The following ITM2B variants were observed in gnomAD, a reference collection of about 807,000 sequenced individuals.
ITM2B encodes integral membrane protein 2B.
A neutral mutation model predicts 27.8 loss-of-function variants in ITM2B; 11 were observed. The observed-to-expected ratio is 0.40, with a 90% CI of 0.25 to 0.66. The LOEUF (loss-of-function observed/expected upper bound fraction) is 0.66, where lower values mean the gene tolerates loss of function less well. ITM2B is among the 30% of genes least tolerant of loss of function. The probability of loss-of-function intolerance (pLI) is 0.43; values close to 1 mark genes in which losing one functional copy is unlikely to be tolerated. For synonymous variants in ITM2B, 114 were observed against 114.3 expected, an observed-to-expected ratio of 1.00 and a Z score of 0.02; for missense variants, 296 against 328.9, an observed-to-expected ratio of 0.90 and a Z score of 0.77.
intron 1 of ITM2B, among the ~76,000 whole-genome samples, chr13:48,252,678 T>C (rs566765142): frequency 6.6e-6 from 1 of 152,352 alleles, no homozygotes; most frequent in African/African-American, 2.4e-5. Flanking sequence ...TCATAGTTTT[T>C]CTTTCTAATT....
rs1044777841 is a variant in ITM2B, at chr13:48,244,540, T to G, written c.118-9268T>G. Among the ~76,000 whole-genome samples, 4 of 152,234 alleles carry G rather than the reference T, an allele frequency of 2.6e-5. No homozygotes were observed. In the East Asian group the frequency reaches 7.7e-4, roughly 29 times the overall value. On this transcript the variant is annotated intron_variant, in intron 1 of 5. Transcript: ENST00000647800. ...TCCAAACTTGGACAGAAATTTTCTC[T>G]TAACTATCCACATTTAAATTATGTT... is the stretch of plus-strand genomic sequence containing the variant.
At chr13:48,238,177 G>A (rs1419671810) in intron 1 of ITM2B, among the ~76,000 whole-genome samples, 1 of 152,034 alleles carries the variant, frequency 6.6e-6, no homozygotes, top group Admixed American at 6.5e-5. Flanking sequence ...TAACACTAAG[G>A]ACATCATTTT....
Position 48,258,931 on chromosome 13 carries a change from C to G in ITM2B, c.699C>G (p.Arg233=). The G allele has an allele frequency of 1.2e-6, 2 of 1,612,890 alleles. No homozygotes were observed. The highest frequency in any genetic ancestry group is 1.7e-6 in the Non-Finnish European group (2 of 1,179,084). Residue 233 remains arginine, a synonymous_variant, in exon 5 of 6, where the codon CGC becomes CGG. Coordinates refer to ENST00000647800, the MANE Select transcript of ITM2B (RefSeq NM_021999.5). ...CHDKETYKLQ[R]RETIKGIQKR... ...ACAAGGAAACTTACAAACTGCAACGCAGAGAAACTATTAAAGGTAATACTT... is the reference window on the plus strand; with the variant it reads ...ACAAGGAAACTTACAAACTGCAACGGAGAGAAACTATTAAAGGTAATACTT...
intron 1 of ITM2B, among the ~76,000 whole-genome samples, chr13:48,238,776 G>A (rs1481637271): frequency 1.3e-5 from 2 of 152,074 alleles, no homozygotes; most frequent in South Asian, 2.1e-4. Flanking sequence ...AACAAGTTTG[G>A]TGGATTTTTG....
At chr13:48,240,968 T>C (rs541606758) in intron 1 of ITM2B, among the ~76,000 whole-genome samples, 10 of 152,236 alleles carry the variant, frequency 6.6e-5, no homozygotes, top group African/African-American at 1.7e-4. Context: ...CCCCATAGAT[T>C]AATTCAAAGC....
intron 5 of ITM2B, among the ~76,000 whole-genome samples, chr13:48,260,937 T>C (rs1023123586): frequency 1.3e-5 from 2 of 152,198 alleles, no homozygotes; most frequent in African/African-American, 2.4e-5. Context: ...TTAATGTTGC[T>C]GTGATCTGTC....
chr13:48,248,515 G>T (rs1427824520), intron 1 of ITM2B, among the ~76,000 whole-genome samples: 1 of 151,920 alleles, frequency 6.6e-6, no homozygotes, highest in Non-Finnish European at 1.5e-5. Flanking sequence ...TGACAATGTA[G>T]TGTATATTCT....
At chr13:48,257,893 CTTA>C (rs1371157905) in intron 3 of ITM2B, among the ~76,000 whole-genome samples, 1 of 152,010 alleles carries the variant, frequency 6.6e-6, no homozygotes, top group African/African-American at 2.4e-5. Flanking sequence ...GGTATTATTA[CTTA>C]TTATAGAAAT....
intron 1 of ITM2B, among the ~76,000 whole-genome samples, chr13:48,238,097 C>T (rs1383117389): frequency 2.0e-5 from 3 of 152,164 alleles, no homozygotes; most frequent in African/African-American, 7.2e-5. Context: ...AAAATATTAA[C>T]ACTGGAGCTG....
chr13:48,248,853 G>A lies in ITM2B; in HGVS notation c.118-4955G>A, dbSNP rs138191177. 1.8e-3 allele frequency among the ~76,000 whole-genome samples: 267 copies of A among 152,326 alleles called. 2 individuals are homozygous for A. The highest frequency in any genetic ancestry group is 6.0e-3 in the African/African-American group (249 of 41,576). ...TATGTTTATTAGATACTGCCAAATTGTTCTCCAAAGCAGTTGGACCTAAAT... is the reference window on the plus strand; with the variant it reads ...TATGTTTATTAGATACTGCCAAATTATTCTCCAAAGCAGTTGGACCTAAAT... On this transcript the variant is annotated intron_variant, in intron 1 of 5. Coordinates refer to ENST00000647800, the MANE Select transcript of ITM2B (RefSeq NM_021999.5).
Position 48,233,487 on chromosome 13 carries a change from CG to C in ITM2B, c.117+14del, listed in dbSNP as rs1201316491. 6.6e-7 allele frequency: 1 copy of C among 1,504,794 alleles called. No homozygotes were observed. Among genetic ancestry groups the C allele is most frequent in the Non-Finnish European group, 8.9e-7 (1 of 1,122,902 alleles). 93.2% of individuals were successfully genotyped at this position (1,504,794 alleles called of 1,614,324 possible). A position where few individuals can be genotyped will look rare whatever the true frequency, so the allele number is the denominator to read the frequency against. On this transcript the variant is annotated intron_variant, in intron 1 of 5. Transcript: ENST00000647800. Reference sequence around the variant, plus strand: ...CGCGGTGGACTGCAAGGTCCGAGCCCGGGGAGGTCGAGGAAGCGGGTGCTGG... The same window carrying C: ...CGCGGTGGACTGCAAGGTCCGAGCCCGGGAGGTCGAGGAAGCGGGTGCTGG...
chr13:48,255,653 G>A (rs1400725505), intron 2 of ITM2B, among the ~76,000 whole-genome samples: 1 of 152,090 alleles, frequency 6.6e-6, no homozygotes, highest in African/African-American at 2.4e-5. Flanking sequence ...ATAAAGATTT[G>A]CTGTAATCTA....
At chr13:48,233,861 A>G (rs1951651736) in intron 1 of ITM2B, among the ~76,000 whole-genome samples, 1 of 152,142 alleles carries the variant, frequency 6.6e-6, no homozygotes. Flanking sequence ...CCCAGTATAA[A>G]TAATGTACCT....
intron 1 of ITM2B, among the ~76,000 whole-genome samples, chr13:48,246,424 A>G (rs945178929): frequency 1.3e-5 from 2 of 152,246 alleles, no homozygotes; most frequent in Non-Finnish European, 2.9e-5. Context: ...ATTTAAGTGA[A>G]TAAGAAAAAA....
chr13:48,235,036 A>T, intron 1 of ITM2B, among the ~76,000 whole-genome samples: 1 of 152,318 alleles, frequency 6.6e-6, no homozygotes, highest in Non-Finnish European at 1.5e-5. Flanking sequence ...ACACACATAC[A>T]TTTAAAAATC....
At position 48,269,821 on chromosome 13, in the gene ITM2B, A is replaced by G. The variant is rs1174604847; in HGVS notation, c.*8597A>G. On this transcript the variant is annotated 3_prime_UTR_variant, in exon 6 of 6. Transcript: ENST00000647800. Reference sequence around the variant, plus strand: ...GTCTGTCTGTAGTGTATTCTTAACAATACAGATTAGCACAATGCAGGCCAG... The same window carrying G: ...GTCTGTCTGTAGTGTATTCTTAACAGTACAGATTAGCACAATGCAGGCCAG... 1 of 152,274 alleles carries G rather than the reference A, an allele frequency of 6.6e-6. No homozygotes were observed. Among genetic ancestry groups the G allele is most frequent in the Non-Finnish European group, 1.5e-5 (1 of 68,070 alleles). 9.4% of individuals were successfully genotyped at this position (152,274 alleles called of 1,614,324 possible). A position where few individuals can be genotyped will look rare whatever the true frequency, so the allele number is the denominator to read the frequency against.
At chr13:48,249,983 T>G (rs1043923171) in intron 1 of ITM2B, among the ~76,000 whole-genome samples, 3 of 152,238 alleles carry the variant, frequency 2.0e-5, no homozygotes, top group African/African-American at 7.2e-5. Flanking sequence ...GATTAAAAAC[T>G]TTTAAATCTT....
chr13:48,237,622 AGGC>A (rs1314559437), intron 1 of ITM2B, among the ~76,000 whole-genome samples: 1 of 152,236 alleles, frequency 6.6e-6, no homozygotes, highest in Non-Finnish European at 1.5e-5. Flanking sequence ...TTTATGTTAC[AGGC>A]CTATTTAAAT....
At chr13:48,259,065 C>A in intron 5 of ITM2B, 118 bp downstream of exon 5, 1 of 677,840 alleles carries the variant, frequency 1.5e-6, no homozygotes, top group South Asian at 2.0e-5. Flanking sequence ...AATATTGTGT[C>A]GTTATATAAT....
Sources: gnomAD v4.1 joint callset for allele counts (sites outside exome capture counted in the v4.1 genomes callset) on GRCh38, gnomAD v4.1.1 for gene constraint, MANE v1.5 for transcripts, NCBI Gene and HGNC (gene_info 2026-07-23, HGNC 2026-07-21) for gene names.